The following CENPP variants were observed in gnomAD, a reference collection of about 807,000 sequenced individuals.
The protein encoded by CENPP is centromere protein P.
CENPP carries 24 observed loss-of-function variants against 35.6 expected under a neutral mutation model. The ratio of observed to expected loss-of-function variants is 0.67; its 90% CI spans 0.49 to 0.95. The LOEUF is 0.95. Among genes scored for constraint, CENPP ranks in the 40% least tolerant of loss-of-function variants. CENPP has a pLI of 0.00. For missense variants in CENPP, 332 were observed against 345.3 expected (o/e 0.96, Z 0.31); for synonymous variants, 120 against 125.5 (o/e 0.96, Z 0.29).
At chr9:92,502,570 A>G (rs745925537) in intron 5 of CENPP, 23 of 1,612,346 alleles carry the variant, frequency 1.4e-5, no homozygotes, top group South Asian at 2.2e-5. Flanking sequence ...GTTATAACGT[A>G]GTACAATGAC....
chr9:92,338,595 A>T (rs967083890), intron 3 of CENPP, among the ~76,000 whole-genome samples: 2 of 152,254 alleles, frequency 1.3e-5, no homozygotes, highest in East Asian at 3.9e-4. Context: ...TACAGATCCA[A>T]CCATCTGCAT....
At chr9:92,412,936 A>G (rs1289907465) in intron 5 of CENPP, among the ~76,000 whole-genome samples, 2 of 137,036 alleles carry the variant, frequency 1.5e-5, no homozygotes, top group South Asian at 2.4e-4. Context: ...TATTGGGTAT[A>G]TAGTTAGGAA....
intron 5 of CENPP, among the ~76,000 whole-genome samples, chr9:92,447,617 A>C (rs146475246): frequency 6.1e-4 from 93 of 152,308 alleles, no homozygotes; most frequent in African/African-American, 2.2e-3. Flanking sequence ...GACCCCTGGC[A>C]TAGTGAATTT....
Position 92,384,078 on chromosome 9 carries a change from C to G in CENPP, c.564+4219C>G, listed in dbSNP as rs567860139. The G allele has an allele frequency of 8.1e-4, 124 of 152,248 alleles. 1 individual carries two copies. The highest frequency in any genetic ancestry group is 2.8e-3 in the African/African-American group (115 of 41,560). The allele number at this position is 152,248 out of a possible 1,614,324, so 9.4% of individuals were successfully genotyped here. On this transcript the variant is annotated intron_variant, in intron 5 of 7. Coordinates refer to ENST00000375587, the MANE Select transcript of CENPP (RefSeq NM_001012267.3). The stretch of plus-strand genomic sequence containing the variant: ...AAAGTATAAAGCTGCATTTTGCGCT[C>G]TCAGTGAGGTTTAAGTCAGGGAAAT...
At chr9:92,344,719 TTGTA>T (rs892518534) in intron 3 of CENPP, among the ~76,000 whole-genome samples, 57 of 151,612 alleles carry the variant, frequency 3.8e-4, no homozygotes, top group Non-Finnish European at 6.8e-4. Flanking sequence ...AGCTAATTTT[TTGTA>T]TTTTTAGTAG....
At chr9:92,459,512 A>G (rs949034578) in intron 5 of CENPP, 6 of 910,780 alleles carry the variant, frequency 6.6e-6, no homozygotes. Flanking sequence ...CAACCTGGAG[A>G]GTCATTATGT....
At chr9:92,352,539 A>ATG (rs1186628278) in intron 4 of CENPP, among the ~76,000 whole-genome samples, 1 of 105,444 alleles carries the variant, frequency 9.5e-6, no homozygotes, top group African/African-American at 4.6e-5. Flanking sequence ...ATATATATAT[A>ATG]ATATAACGGG....
intron 4 of CENPP, among the ~76,000 whole-genome samples, chr9:92,352,677 A>G (rs1841495946): frequency 6.6e-6 from 1 of 150,972 alleles, no homozygotes; most frequent in Non-Finnish European, 1.5e-5. Context: ...CAAGGACAGG[A>G]AGCATCCACC....
intron 5 of CENPP, chr9:92,496,176 C>T: frequency 7.3e-7 from 1 of 1,374,388 alleles, no homozygotes; most frequent in Non-Finnish European, 9.3e-7. Flanking sequence ...GGTTGTTCAT[C>T]TGTGTGTTAG....
At chr9:92,514,862 C>A (rs760055593) in intron 5 of CENPP, 2 of 1,612,966 alleles carry the variant, frequency 1.2e-6, no homozygotes, top group Non-Finnish European at 1.7e-6. Context: ...TCCTCCTCCT[C>A]ATCCTCCTCC....
At chr9:92,477,547 A>T (rs1042728668) in intron 5 of CENPP, among the ~76,000 whole-genome samples, 1 of 152,086 alleles carries the variant, frequency 6.6e-6, no homozygotes, top group Non-Finnish European at 1.5e-5. Flanking sequence ...GGCAACAAGG[A>T]GCTATAGAAT....
At chr9:92,368,263 A>C (rs1201842337) in intron 4 of CENPP, among the ~76,000 whole-genome samples, 1 of 152,226 alleles carries the variant, frequency 6.6e-6, no homozygotes. Flanking sequence ...ATTATTTAAA[A>C]TATTGTATAA....
At chr9:92,533,045 T>C (rs1189890452) in intron 5 of CENPP, among the ~76,000 whole-genome samples, 1 of 151,844 alleles carries the variant, frequency 6.6e-6, no homozygotes, top group African/African-American at 2.4e-5. Flanking sequence ...AAGTCTGTAA[T>C]GACAGCACTT....
At position 92,616,057 on chromosome 9, in the gene CENPP, G is replaced by A. The variant is rs141278281; in HGVS notation, c.*2908G>A. On this transcript the variant is annotated 3_prime_UTR_variant, in exon 8 of 8. Transcript: ENST00000375587. ...AAGGGACGACAGGCCTTTGATCAGA[G>A]CTGCAAGTAAAAAGTACCATTTCAG... 202 of 1,611,086 alleles carry A rather than the reference G, an allele frequency of 1.3e-4. No individual in the cohort carries two copies. The African/African-American group carries it at 2.3e-3, about 18-fold the overall frequency.
At chr9:92,432,667 A>G (rs759908793) in intron 5 of CENPP, among the ~76,000 whole-genome samples, 2 of 152,248 alleles carry the variant, frequency 1.3e-5, no homozygotes, top group Non-Finnish European at 2.9e-5. Flanking sequence ...CCCTCACAGA[A>G]GCAAAGTCCC....
chr9:92,515,331 A>T, intron 5 of CENPP: 1 of 1,215,172 alleles, frequency 8.2e-7, no homozygotes, highest in Admixed American at 3.7e-5. Context: ...TAAAGATGAA[A>T]TGCACCTTGA....
chr9:92,570,471 A>T (rs1008062987), intron 5 of CENPP, among the ~76,000 whole-genome samples: 6 of 152,104 alleles, frequency 3.9e-5, no homozygotes, highest in African/African-American at 4.8e-5. Flanking sequence ...GCTGCTGGAT[A>T]CGGTTTGCCA....
rs112162638 is a variant in CENPP, at chr9:92,615,895, G to A, written c.*2746G>A. On this transcript the variant is annotated 3_prime_UTR_variant, in exon 8 of 8. Coordinates refer to ENST00000375587, the MANE Select transcript of CENPP (RefSeq NM_001012267.3). ...CCTTGAACCGAGTCGACATCACGGC[G>A]TTGTCTTTGGCACGTACAGTCTTTG... 1.4e-5 allele frequency: 23 copies of A among 1,614,182 alleles called. No homozygotes were observed. Among genetic ancestry groups the A allele is most frequent in the African/African-American group, 9.3e-5 (7 of 75,062 alleles).
At chr9:92,512,397 GCCAGA>G (rs1847407834) in intron 5 of CENPP, among the ~76,000 whole-genome samples, 1 of 152,214 alleles carries the variant, frequency 6.6e-6, no homozygotes, top group African/African-American at 2.4e-5. Context: ...GCTTAACACA[GCCAGA>G]ATGTGGTCTG....
Sources: gnomAD v4.1 joint callset for allele counts (sites outside exome capture counted in the v4.1 genomes callset) on GRCh38, gnomAD v4.1.1 for gene constraint, MANE v1.5 for transcripts, NCBI Gene and HGNC (gene_info 2026-07-23, HGNC 2026-07-21) for gene names.